The following CHRM3 variants were observed in gnomAD, a reference collection of about 807,000 sequenced individuals.
CHRM3 encodes cholinergic receptor muscarinic 3, also known as muscarinic acetylcholine receptor M3.
A neutral mutation model predicts 41.8 loss-of-function variants in CHRM3; 11 were observed. That is an observed-to-expected ratio of 0.26 (90% CI 0.17 to 0.44). The LOEUF (loss-of-function observed/expected upper bound fraction) is 0.44. CHRM3 is among the 20% of genes least tolerant of loss of function. The pLI is 1.00. For missense variants in CHRM3, 571 were observed against 745.4 expected (o/e 0.77, Z 2.72); for synonymous variants, 297 against 301.4 (o/e 0.99, Z 0.15).
chr1:239,813,928 A>AAAAAAAAAAAAAAAAAAC (rs1558146322), intron 5 of CHRM3, among the ~76,000 whole-genome samples: 1 of 147,106 alleles, frequency 6.8e-6, no homozygotes, highest in African/African-American at 2.7e-5. Flanking sequence ...AAAAAAAAAA[A>AAAAAAAAAAAAAAAAAAC]AAAAAACTCA....
rs1170190141 is a variant in CHRM3 at position 239,837,073 on chromosome 1, T to TA, written c.-20+9698dup. 1.5e-4 allele frequency among the ~76,000 whole-genome samples: 23 copies of TA among 152,084 alleles called. No individual in the cohort carries two copies. In the East Asian group the frequency reaches 4.5e-3, roughly 29 times the overall value. On this transcript the variant is annotated intron_variant, in intron 6 of 6. Transcript: ENST00000676153. ...CTTTCCTATGATCAGTAATGCATGA[T>TA]AAACAGGGTTGTAAGCAGAAAAAAA... is the stretch of plus-strand genomic sequence containing the variant.
intron 3 of CHRM3, among the ~76,000 whole-genome samples, chr1:239,598,308 T>A (rs142664063): frequency 6.6e-6 from 1 of 152,240 alleles, no homozygotes; most frequent in African/African-American, 2.4e-5. Flanking sequence ...ACAAGAAGCG[T>A]GTTATTCCTT....
intron 1 of CHRM3, among the ~76,000 whole-genome samples, chr1:239,418,099 GC>G (rs1375185005): frequency 2.6e-5 from 4 of 152,146 alleles, no homozygotes; most frequent in Non-Finnish European, 4.4e-5. Context: ...ACATTCACTT[GC>G]CGCAGTAGCA....
chr1:239,829,664 G>A (rs182740211), intron 6 of CHRM3, among the ~76,000 whole-genome samples: 1 of 152,266 alleles, frequency 6.6e-6, no homozygotes, highest in Non-Finnish European at 1.5e-5. Flanking sequence ...TAGGACAGAT[G>A]GCACAGCAGA....
intron 3 of CHRM3, among the ~76,000 whole-genome samples, chr1:239,605,002 T>C (rs1015200589): frequency 1.3e-5 from 2 of 152,222 alleles, no homozygotes; most frequent in Admixed American, 6.5e-5. Context: ...GTTCCTTTCA[T>C]TGAAGGTTTC....
At chr1:239,516,541 AT>A (rs1423001209) in intron 2 of CHRM3, among the ~76,000 whole-genome samples, 1 of 152,200 alleles carries the variant, frequency 6.6e-6, no homozygotes, top group Non-Finnish European at 1.5e-5. Flanking sequence ...TTAAACCCAG[AT>A]TGTTTTCTAC....
intron 5 of CHRM3, among the ~76,000 whole-genome samples, chr1:239,786,875 GA>G (rs1447341739): frequency 6.6e-6 from 1 of 152,168 alleles, no homozygotes; most frequent in Non-Finnish European, 1.5e-5. Flanking sequence ...CCAGGTCATG[GA>G]AAATCCTGTA....
intron 1 of CHRM3, among the ~76,000 whole-genome samples, chr1:239,446,395 G>A (rs560340122): frequency 2.6e-5 from 4 of 152,246 alleles, no homozygotes; most frequent in African/African-American, 7.2e-5. Context: ...ATATACTAAA[G>A]TTTTTAGTAG....
At chr1:239,639,688 A>C (rs1670886288) in intron 4 of CHRM3, among the ~76,000 whole-genome samples, 3 of 151,782 alleles carry the variant, frequency 2.0e-5, no homozygotes, top group South Asian at 4.2e-4. Context: ...TTTTCTAGAT[A>C]TACAATCATG....
chr1:239,810,183 C>T (rs1189264192), intron 5 of CHRM3, among the ~76,000 whole-genome samples: 2 of 152,184 alleles, frequency 1.3e-5, no homozygotes, highest in Non-Finnish European at 1.5e-5. Context: ...CATCCTTTTG[C>T]ATTCCCTAGG....
At chr1:239,704,128 C>A (rs1412750731) in intron 5 of CHRM3, 2 of 152,106 alleles carry the variant, frequency 1.3e-5, no homozygotes, top group Non-Finnish European at 2.9e-5. Flanking sequence ...CTCTTTACAG[C>A]TCTTTTGGAA....
At chr1:239,894,442 T>A (rs1678815911) in intron 6 of CHRM3, among the ~76,000 whole-genome samples, 2 of 152,122 alleles carry the variant, frequency 1.3e-5, no homozygotes, top group East Asian at 1.9e-4. Flanking sequence ...TTATTTATTT[T>A]TATTTTTTGA....
chr1:239,416,277 T>C (rs1439449628), intron 1 of CHRM3, among the ~76,000 whole-genome samples: 1 of 152,008 alleles, frequency 6.6e-6, no homozygotes, highest in African/African-American at 2.4e-5. Context: ...CCATATACTA[T>C]CGATACAGGA....
chr1:239,440,564 A>C (rs181571588), intron 1 of CHRM3, among the ~76,000 whole-genome samples: 1 of 152,370 alleles, frequency 6.6e-6, no homozygotes, highest in Non-Finnish European at 1.5e-5. Flanking sequence ...ATATAGGAGA[A>C]ATGGTAGAAT....
chr1:239,400,092 A>G (rs1659839286), intron 1 of CHRM3, among the ~76,000 whole-genome samples: 1 of 151,990 alleles, frequency 6.6e-6, no homozygotes, highest in Non-Finnish European at 1.5e-5. Flanking sequence ...TTGTATTATG[A>G]TAGATAGGGT....
chr1:239,908,486 C>G lies in CHRM3; in HGVS notation c.1035C>G (p.Ser345=). The change falls in exon 7 of 7, where the codon TCC becomes TCG. Residue 345 remains serine, a synonymous_variant. Transcript: ENST00000676153. This position sits in a 1 kb window ranked among gnomAD's most constrained non-coding sequence, Gnocchi z 7.2. ...GGAACAACAATGATGCTGCTGCCTC[C>G]CTGGAGAACTCCGCCTCCTCCGACG... ...DSWNNNDAAA[S]LENSASSDEE... 8.7e-6 allele frequency: 14 copies of G among 1,609,158 alleles called. No individual in the cohort carries two copies. Among genetic ancestry groups the G allele is most frequent in the Non-Finnish European group, 1.2e-5 (14 of 1,177,396 alleles).
intron 2 of CHRM3, among the ~76,000 whole-genome samples, chr1:239,539,529 C>T (rs1449284888): frequency 6.6e-6 from 1 of 152,112 alleles, no homozygotes; most frequent in Non-Finnish European, 1.5e-5. Flanking sequence ...CTTTCTTTCT[C>T]ATATTTCTGT....
rs557229595 is a variant in CHRM3, at chr1:239,684,746, A to G, written c.-147+6458A>G. Among the ~76,000 whole-genome samples, 243 of 112,128 alleles carry G rather than the reference A, an allele frequency of 2.2e-3. 1 individual carries two copies. Among genetic ancestry groups the G allele is most frequent in the African/African-American group, 9.0e-3 (234 of 25,968 alleles). 73.6% of individuals were successfully genotyped at this position (112,128 alleles called of 152,430 possible). On this transcript the variant is annotated intron_variant, in intron 5 of 6. Coordinates refer to ENST00000676153, the MANE Select transcript of CHRM3 (RefSeq NM_001375978.1). ...GGAAAGGAAAGGAAAGAGAGAAAGAAAGAGAAAGAAAGAAAGAAAGAAAGA... is the reference window on the plus strand; with the variant it reads ...GGAAAGGAAAGGAAAGAGAGAAAGAGAGAGAAAGAAAGAAAGAAAGAAAGA...
intron 3 of CHRM3, among the ~76,000 whole-genome samples, chr1:239,581,652 A>G (rs1199102375): frequency 6.6e-6 from 1 of 152,172 alleles, no homozygotes; most frequent in Non-Finnish European, 1.5e-5. Flanking sequence ...AGCCAACACT[A>G]TGCTAATATC....
Sources: allele counts gnomAD v4.1 joint callset (sites outside exome capture counted in the v4.1 genomes callset), GRCh38; gene constraint gnomAD v4.1.1; non-coding constraint Gnocchi (gnomAD v3.1); transcripts MANE v1.5; gene names NCBI Gene and HGNC (gene_info 2026-07-23, HGNC 2026-07-21).